Variants in NLGN1 observed in about 807,000 individuals in gnomAD.
The protein encoded by NLGN1 is neuroligin 1.
In NLGN1, 12 loss-of-function variants were observed where a neutral mutation model predicts 65.5. The ratio of observed to expected loss-of-function variants is 0.18; its 90% CI spans 0.12 to 0.30. NLGN1 has a LOEUF of 0.30. NLGN1 is among the 10% of genes least tolerant of loss of function. The pLI is 1.00. For synonymous variants in NLGN1, 350 were observed against 359.5 expected (o/e 0.97, Z 0.30); for missense variants, 750 against 1,007.1 (o/e 0.74, Z 3.46).
chr3:174,058,139 G>A (rs1242622542), intron 4 of NLGN1, among the ~76,000 whole-genome samples: 1 of 152,096 alleles, frequency 6.6e-6, no homozygotes, highest in Non-Finnish European at 1.5e-5. Context: ...TGCTTCTTTT[G>A]TCAAGTGAGT....
intron 4 of NLGN1, among the ~76,000 whole-genome samples, chr3:173,921,081 C>G (rs1389449522): frequency 1.3e-5 from 2 of 150,358 alleles, no homozygotes; most frequent in Non-Finnish European, 3.0e-5. Flanking sequence ...AGTTAAACCT[C>G]AAAAATCCTC....
At chr3:174,184,632 A>T (rs959802132) in intron 4 of NLGN1, among the ~76,000 whole-genome samples, 13 of 152,178 alleles carry the variant, frequency 8.5e-5, no homozygotes, top group African/African-American at 3.1e-4. Context: ...ATCTGCCTAC[A>T]TGCTCAGCAC....
rs1184383555 is a variant in NLGN1 at position 173,913,949 on chromosome 3, C to T, written c.646+106117C>T. Among the ~76,000 whole-genome samples the T allele has an allele frequency of 7.2e-5, 11 of 152,156 alleles. 1 individual carries two copies. In the South Asian group the frequency reaches 1.0e-3, roughly 14 times the overall value. On this transcript the variant is annotated intron_variant, in intron 4 of 6. Transcript: ENST00000457714. ...TACCCAAGTCAAAATCACACTGCACCGCAGGAAACTTGTATAGCATACTCA... is the reference window on the plus strand; with the variant it reads ...TACCCAAGTCAAAATCACACTGCACTGCAGGAAACTTGTATAGCATACTCA...
intron 4 of NLGN1, among the ~76,000 whole-genome samples, chr3:174,200,130 G>A (rs966625524): frequency 6.6e-6 from 1 of 152,136 alleles, no homozygotes; most frequent in Admixed American, 6.5e-5. Flanking sequence ...TGCCTCTGCC[G>A]TTTACTCATT....
At chr3:174,227,972 G>A (rs1417617830) in intron 4 of NLGN1, among the ~76,000 whole-genome samples, 1 of 152,088 alleles carries the variant, frequency 6.6e-6, no homozygotes, top group African/African-American at 2.4e-5. Context: ...ATATGCTTAA[G>A]TGATTTTTAA....
chr3:174,034,214 C>A (rs1226246903), intron 4 of NLGN1, among the ~76,000 whole-genome samples: 2 of 151,962 alleles, frequency 1.3e-5, no homozygotes, highest in Admixed American at 1.3e-4. Flanking sequence ...ATATACCTAG[C>A]AAAATTATTC....
intron 2 of NLGN1, among the ~76,000 whole-genome samples, chr3:173,603,497 TGA>T (rs1750891714): frequency 6.6e-6 from 1 of 152,120 alleles, no homozygotes; most frequent in African/African-American, 2.4e-5. Context: ...ATATTGACTT[TGA>T]GTCATAAATT....
chr3:173,671,971 G>C (rs1479968638), intron 3 of NLGN1, among the ~76,000 whole-genome samples: 5 of 151,512 alleles, frequency 3.3e-5, no homozygotes, highest in South Asian at 2.1e-4. Flanking sequence ...TCAGGAGATC[G>C]AGACCATCCT....
At chr3:174,142,925 G>A (rs988096415) in intron 4 of NLGN1, among the ~76,000 whole-genome samples, 1 of 152,150 alleles carries the variant, frequency 6.6e-6, no homozygotes, top group South Asian at 2.1e-4. Context: ...TCTGCTTCTG[G>A]TGAGGCCTCA....
At chr3:173,526,991 A>G (rs1253973419) in intron 2 of NLGN1, among the ~76,000 whole-genome samples, 1 of 152,284 alleles carries the variant, frequency 6.6e-6, no homozygotes. Flanking sequence ...TTATCCATTC[A>G]TCTCCTAATG....
At chr3:173,951,525 C>G (rs1439472298) in intron 4 of NLGN1, among the ~76,000 whole-genome samples, 1 of 149,090 alleles carries the variant, frequency 6.7e-6, no homozygotes, top group African/African-American at 2.5e-5. Flanking sequence ...TGCAGTGGTG[C>G]GATCTTGGCT....
At chr3:173,546,486 A>G (rs1022210230) in intron 2 of NLGN1, among the ~76,000 whole-genome samples, 2 of 152,220 alleles carry the variant, frequency 1.3e-5, no homozygotes, top group African/African-American at 4.8e-5. Flanking sequence ...AAAGTTTATT[A>G]GAGAAGTGCT....
chr3:173,899,390 AT>A (rs1736922219), intron 4 of NLGN1, among the ~76,000 whole-genome samples: 1 of 152,094 alleles, frequency 6.6e-6, no homozygotes, highest in African/African-American at 2.4e-5. Flanking sequence ...AGCGTAGAAC[AT>A]TTTTTAATGA....
At chr3:173,904,212 A>C (rs1162088348) in intron 4 of NLGN1, among the ~76,000 whole-genome samples, 1 of 152,148 alleles carries the variant, frequency 6.6e-6, no homozygotes, top group African/African-American at 2.4e-5. Flanking sequence ...TTAAAATAAA[A>C]GAGGTATGAT....
chr3:173,993,689 T>C (rs1721626110), intron 4 of NLGN1, among the ~76,000 whole-genome samples: 1 of 151,812 alleles, frequency 6.6e-6, no homozygotes, highest in Admixed American at 6.6e-5. Context: ...GATAGATAGA[T>C]AGATAGTTCA....
chr3:174,121,337 T>C (rs374586858), intron 4 of NLGN1, among the ~76,000 whole-genome samples: 12 of 152,334 alleles, frequency 7.9e-5, no homozygotes, highest in East Asian at 5.8e-4. Context: ...AATATTATTG[T>C]CTACAGCAGC....
At chr3:173,919,988 TA>T (rs549837348) in intron 4 of NLGN1, among the ~76,000 whole-genome samples, 35 of 152,144 alleles carry the variant, frequency 2.3e-4, no homozygotes, top group Non-Finnish European at 4.7e-4. Context: ...TGCTATTTTT[TA>T]AAAAAATATT....
chr3:173,954,370 T>C (rs1355342689), intron 4 of NLGN1, among the ~76,000 whole-genome samples: 5 of 151,792 alleles, frequency 3.3e-5, no homozygotes, highest in Non-Finnish European at 7.4e-5. Context: ...GAGGGAAGTG[T>C]AAAAGGTTAT....
chr3:173,546,335 A>G (rs903213502), intron 2 of NLGN1, among the ~76,000 whole-genome samples: 7 of 152,240 alleles, frequency 4.6e-5, no homozygotes, highest in Admixed American at 2.6e-4. Context: ...ATAGGTATGT[A>G]TATTTTTCCC....
Sources: gnomAD v4.1 joint callset for allele counts (sites outside exome capture counted in the v4.1 genomes callset) on GRCh38, gnomAD v4.1.1 for gene constraint, MANE v1.5 for transcripts, NCBI Gene and HGNC (gene_info 2026-07-23, HGNC 2026-07-21) for gene names.